DLGAP2: variants seen among roughly 807,000 people sequenced by gnomAD.
DLGAP2 encodes disks large-associated protein 2.
Under a neutral mutation model 100.3 loss-of-function variants are expected in DLGAP2, and 26 were observed. The ratio of observed to expected loss-of-function variants is 0.26; its 90% CI spans 0.19 to 0.36. DLGAP2 has a LOEUF of 0.36. Ranked by LOEUF, DLGAP2 falls within the 10% of genes least tolerant of loss-of-function variation. DLGAP2 has a pLI of 1.00. For missense variants in DLGAP2, 1,858 were observed against 1,453.2 expected (o/e 1.28, Z -4.53); for synonymous variants, 886 against 630.1 (o/e 1.41, Z -6.08).
chr8:1,062,196 C>T (rs556181899), intron 2 of DLGAP2, among the ~76,000 whole-genome samples: 7 of 152,324 alleles, frequency 4.6e-5, no homozygotes, highest in African/African-American at 9.6e-5. Flanking sequence ...GCAGCCCCCA[C>T]ATCCACATGG....
At chr8:1,322,329 T>G (rs892777499) in intron 3 of DLGAP2, among the ~76,000 whole-genome samples, 1 of 152,250 alleles carries the variant, frequency 6.6e-6, no homozygotes, top group African/African-American at 2.4e-5. Flanking sequence ...ATGTTCATTC[T>G]TTACCACAAT....
Position 1,079,421 on chromosome 8 carries a change from T to C in DLGAP2, c.73+171455T>C, listed in dbSNP as rs534107460. ...TGCCTTAAGTTCTTCTGCATTATTT[T>C]GTTTAAACTATTTTTCAAAAAAAAT... On this transcript the variant is annotated intron_variant, in intron 2 of 14. Coordinates refer to ENST00000637795, the MANE Select transcript of DLGAP2 (RefSeq NM_001346810.2). Among the ~76,000 whole-genome samples, 3 of 152,364 alleles carry C rather than the reference T, an allele frequency of 2.0e-5. No homozygotes were observed. In the South Asian group the frequency reaches 6.2e-4, roughly 32 times the overall value.
At chr8:781,822 A>G (rs570618487) in intron 1 of DLGAP2, among the ~76,000 whole-genome samples, 1 of 152,320 alleles carries the variant, frequency 6.6e-6, no homozygotes, top group South Asian at 2.1e-4. Flanking sequence ...TTGCAACAAC[A>G]ATTATATAAC....
At chr8:1,026,815 C>T (rs1801813690) in intron 2 of DLGAP2, among the ~76,000 whole-genome samples, 1 of 152,140 alleles carries the variant, frequency 6.6e-6, no homozygotes, top group South Asian at 2.1e-4. Context: ...ATGAAAATAC[C>T]CATGAGATTA....
chr8:857,066 C>G (rs544123603), intron 1 of DLGAP2, among the ~76,000 whole-genome samples: 1 of 152,148 alleles, frequency 6.6e-6, no homozygotes, highest in African/African-American at 2.4e-5. Context: ...GACAGACCCA[C>G]GTAAATACAG....
At chr8:1,112,199 A>G (rs1028231562) in intron 2 of DLGAP2, among the ~76,000 whole-genome samples, 1 of 134,574 alleles carries the variant, frequency 7.4e-6, no homozygotes, top group Non-Finnish European at 1.6e-5. Context: ...GGCCACATGT[A>G]TGTCTTCTTT....
intron 4 of DLGAP2, among the ~76,000 whole-genome samples, chr8:1,539,605 A>G (rs6996306): frequency 0.047 from 7,117 of 151,870 alleles, 570 homozygotes; most frequent in African/African-American, 0.16. Context: ...CTCCCTCTCC[A>G]GGCCCCACTT....
At chr8:802,520 C>T (rs1204785513) in intron 1 of DLGAP2, among the ~76,000 whole-genome samples, 1 of 152,132 alleles carries the variant, frequency 6.6e-6, no homozygotes, top group Non-Finnish European at 1.5e-5. Context: ...AGCTGAGGTC[C>T]CAGATTGGCT....
chr8:1,294,236 C>G (rs1322962635), intron 3 of DLGAP2, among the ~76,000 whole-genome samples: 1 of 152,186 alleles, frequency 6.6e-6, no homozygotes, highest in Non-Finnish European at 1.5e-5. Flanking sequence ...GGTTACAGGC[C>G]TTTCACAAGA....
chr8:1,228,899 A>G (rs571609619), intron 2 of DLGAP2, among the ~76,000 whole-genome samples: 2 of 152,336 alleles, frequency 1.3e-5, no homozygotes, highest in South Asian at 4.1e-4. Context: ...CACTACTTCT[A>G]TTCAACATTG....
At chr8:1,550,796 G>A (rs1290291156) in intron 5 of DLGAP2, among the ~76,000 whole-genome samples, 2 of 152,184 alleles carry the variant, frequency 1.3e-5, no homozygotes, top group East Asian at 1.9e-4. Context: ...GGAGGCACAC[G>A]CTACTTCTGA....
At chr8:1,145,814 C>A (rs1194762928) in intron 2 of DLGAP2, among the ~76,000 whole-genome samples, 2 of 139,896 alleles carry the variant, frequency 1.4e-5, no homozygotes, top group Non-Finnish European at 3.0e-5. Flanking sequence ...CTTCCTGTGT[C>A]CATGTGTTCT....
At chr8:1,580,304 A>G (rs1446091116) in intron 6 of DLGAP2, among the ~76,000 whole-genome samples, 1 of 152,230 alleles carries the variant, frequency 6.6e-6, no homozygotes, top group Non-Finnish European at 1.5e-5. Context: ...GCAGAGGGAA[A>G]GACCACAGAT....
chr8:1,686,249 A>G (rs1799111726), intron 12 of DLGAP2, among the ~76,000 whole-genome samples: 1 of 152,222 alleles, frequency 6.6e-6, no homozygotes, highest in Non-Finnish European at 1.5e-5. Context: ...ACAGTGGAAT[A>G]TTATTCAGCC....
At chr8:1,453,935 G>A (rs1190061255) in intron 3 of DLGAP2, among the ~76,000 whole-genome samples, 1 of 152,204 alleles carries the variant, frequency 6.6e-6, no homozygotes, top group Non-Finnish European at 1.5e-5. Flanking sequence ...TTGGAATGTG[G>A]ACATGTGCAC....
chr8:1,344,195 C>CTGGGTGCCCTG (rs1563095203), intron 3 of DLGAP2, among the ~76,000 whole-genome samples: 1 of 118,662 alleles, frequency 8.4e-6, no homozygotes, highest in Non-Finnish European at 1.9e-5. Flanking sequence ...GGTCCGTGTA[C>CTGGGTGCCCTG]TCGGGGCCCT....
chr8:969,379 CCTT>C (rs1473809233), intron 2 of DLGAP2, among the ~76,000 whole-genome samples: 2 of 152,052 alleles, frequency 1.3e-5, no homozygotes, highest in East Asian at 1.9e-4. Context: ...CTTGAAATCT[CCTT>C]CTCTCTACAC....
intron 2 of DLGAP2, among the ~76,000 whole-genome samples, chr8:964,095 A>G (rs1048183691): frequency 6.6e-6 from 1 of 152,232 alleles, no homozygotes; most frequent in African/African-American, 2.4e-5. Flanking sequence ...AACAAATTCA[A>G]GTCTTATGTA....
chr8:1,217,919 C>T (rs1436462336), intron 2 of DLGAP2, among the ~76,000 whole-genome samples: 1 of 151,962 alleles, frequency 6.6e-6, no homozygotes, highest in African/African-American at 2.4e-5. Flanking sequence ...TGAGAAGTGT[C>T]CATGTCCTTT....
Sources: allele counts gnomAD v4.1 joint callset (sites outside exome capture counted in the v4.1 genomes callset), GRCh38; gene constraint gnomAD v4.1.1; transcripts MANE v1.5; gene names NCBI Gene and HGNC (gene_info 2026-07-23, HGNC 2026-07-21).